PTPN3: variants seen among roughly 807,000 people sequenced by gnomAD.
The protein encoded by PTPN3 is tyrosine-protein phosphatase non-receptor type 3.
In PTPN3, 96 loss-of-function variants were observed where a neutral mutation model predicts 132.7. That is an observed-to-expected ratio of 0.72 (90% confidence interval 0.61 to 0.86). The LOEUF is 0.86. Ranked by LOEUF, PTPN3 falls within the 40% of genes least tolerant of loss-of-function variation. PTPN3 has a pLI of 0.00. For synonymous variants in PTPN3, 398 were observed against 429.0 expected (o/e 0.93, Z 0.89); for missense variants, 1,125 against 1,159.6 (o/e 0.97, Z 0.43).
chr9:109,448,600 T>C (rs999087804), intron 6 of PTPN3, among the ~76,000 whole-genome samples: 7 of 152,092 alleles, frequency 4.6e-5, no homozygotes, highest in Admixed American at 4.6e-4. Flanking sequence ...AAAACTGAAA[T>C]AACATGAAAC....
At position 109,389,278 on chromosome 9, in the gene PTPN3, C is replaced by T; in HGVS notation, c.2208G>A (p.Lys736=). 1.2e-6 allele frequency: 2 copies of T among 1,614,220 alleles called. No homozygotes were observed. Among genetic ancestry groups the T allele is most frequent in the Non-Finnish European group, 1.7e-6 (2 of 1,180,034 alleles). ...AQFWQVVWDQ[K]LSLIVMLTTL... ...TCGTCAACATGACAATGAGTGACAA[C>T]TTCTGATCCCAGACAACCTGCCAAA... Residue 736 remains lysine (K), a synonymous_variant, in exon 22 of 26, where the codon AAG becomes AAA. Coordinates refer to ENST00000374541, the MANE Select transcript of PTPN3 (RefSeq NM_002829.4).
intron 25 of PTPN3, 109 bp downstream of exon 25, chr9:109,381,543 C>A: frequency 1.4e-6 from 2 of 1,460,722 alleles, no homozygotes; most frequent in Non-Finnish European, 1.9e-6. Flanking sequence ...GCAAGTGATT[C>A]AGTCCCCCTG....
rs1838780511 is a variant in PTPN3 at position 109,378,773 on chromosome 9, G to GTCCT, written c.*782_*783insAGGA. 1 of 152,714 alleles carries GTCCT rather than the reference G, an allele frequency of 6.5e-6. No homozygotes were observed. Among genetic ancestry groups the GTCCT allele is most frequent in the South Asian group, 2.1e-4 (1 of 4,830 alleles). The allele number at this position is 152,714 out of a possible 1,614,324, so 9.5% of individuals were successfully genotyped here. ...CGGTGATTCCAGTCCTGGGTGCTGAGTGTGCAGTAGGAGGCAAGCAGAGGC... is the reference window on the plus strand; with the variant it reads ...CGGTGATTCCAGTCCTGGGTGCTGAGTCCTTGTGCAGTAGGAGGCAAGCAGAGGC... On this transcript the variant is annotated 3_prime_UTR_variant, in exon 26 of 26. Transcript: ENST00000374541.
the PTPN3 span, among the ~76,000 whole-genome samples, chr9:109,512,167 A>G: frequency 6.6e-6 from 1 of 152,296 alleles, no homozygotes; most frequent in East Asian, 1.9e-4. Context: ...CAATTGACCA[A>G]TCTTCCACCT....
chr9:109,457,466 G>C, intron 2 of PTPN3, 67 bp from the exon 3 acceptor site: 1 of 1,277,910 alleles, frequency 7.8e-7, no homozygotes, highest in South Asian at 1.3e-5. Flanking sequence ...CATCTTTACT[G>C]TAGGCAAAAA....
rs1404612254 is a variant in PTPN3 at position 109,377,935 on chromosome 9, G to T, written c.*1621C>A. On this transcript the variant is annotated 3_prime_UTR_variant, in exon 26 of 26. Transcript: ENST00000374541. Reference sequence around the variant, plus strand: ...GGTGGTTTCTTGTTTTCAATATGGGGTTATGGTACTGTGTGACATCTCCCT... The same window carrying T: ...GGTGGTTTCTTGTTTTCAATATGGGTTTATGGTACTGTGTGACATCTCCCT... 1.3e-5 allele frequency: 2 copies of T among 152,154 alleles called. No individual in the cohort carries two copies. The highest frequency in any genetic ancestry group is 4.8e-5 in the African/African-American group (2 of 41,454). The allele number at this position is 152,154 out of a possible 1,614,324, so 9.4% of individuals were successfully genotyped here.
intron 24 of PTPN3, 94 bp from the exon 25 acceptor site, chr9:109,381,881 T>C: frequency 6.8e-7 from 1 of 1,476,622 alleles, no homozygotes; most frequent in Non-Finnish European, 9.4e-7. Flanking sequence ...AAAGGGGCTT[T>C]CCTCCCTTGG....
At chr9:109,381,133 T>C (rs1367998774) in intron 25 of PTPN3, among the ~76,000 whole-genome samples, 1 of 152,232 alleles carries the variant, frequency 6.6e-6, no homozygotes, top group East Asian at 1.9e-4. Context: ...ACCTTAATCA[T>C]GCTCTTTCCA....
intron 5 of PTPN3, 89 bp from the exon 6 acceptor site, chr9:109,448,944 A>G: frequency 6.5e-7 from 1 of 1,540,780 alleles, no homozygotes; most frequent in Non-Finnish European, 8.7e-7. Flanking sequence ...CAAAGACAAG[A>G]GCTGTACATG....
At chr9:109,441,759 T>A (rs1454378846) in intron 7 of PTPN3, among the ~76,000 whole-genome samples, 1 of 148,330 alleles carries the variant, frequency 6.7e-6, no homozygotes. Flanking sequence ...TTTTTTTTTT[T>A]AAGAGATGGG....
chr9:109,398,902 A>C (rs767235463), intron 19 of PTPN3, among the ~76,000 whole-genome samples: 2 of 152,212 alleles, frequency 1.3e-5, no homozygotes, highest in South Asian at 2.1e-4. Flanking sequence ...ACAAACAAAA[A>C]CAAGAGCTTC....
In PTPN3 at chr9:109,433,089, T is replaced by G; in HGVS notation, c.748A>C (p.Thr250Pro). Residue 250 changes from threonine to proline, a missense_variant, in exon 10 of 26, where the codon ACA (threonine) becomes CCA (proline). By Grantham distance (38) the Thr-to-Pro change is conservative. Transcript: ENST00000374541. ...TGCACTTACCAAGGATAGAAACTTGTGCAAATGTATTTTCGGTACACAGCA... is the reference window on the plus strand; with the variant it reads ...TGCACTTACCAAGGATAGAAACTTGGGCAAATGTATTTTCGGTACACAGCA... ...GVAVYRKYIC[T>P]SFYPWVNILK... 1 of 1,614,148 alleles carries G rather than the reference T, an allele frequency of 6.2e-7. No individual in the cohort carries two copies. The highest frequency in any genetic ancestry group is 8.5e-7 in the Non-Finnish European group (1 of 1,180,010).
chr9:109,401,755 T>C (rs954297854), intron 19 of PTPN3, among the ~76,000 whole-genome samples: 2 of 152,172 alleles, frequency 1.3e-5, no homozygotes, highest in African/African-American at 2.4e-5. Context: ...GGCCTGTCTC[T>C]TTATGCTACG....
intron 1 of PTPN3, among the ~76,000 whole-genome samples, chr9:109,496,299 T>C (rs1388014583): frequency 1.3e-5 from 2 of 152,248 alleles, no homozygotes; most frequent in Non-Finnish European, 2.9e-5. Context: ...CTGTTGTTAA[T>C]TTTCAACTAG....
chr9:109,429,422 G>A (rs772307444), intron 10 of PTPN3, among the ~76,000 whole-genome samples: 3 of 152,170 alleles, frequency 2.0e-5, no homozygotes, highest in Non-Finnish European at 4.4e-5. Flanking sequence ...CTCAGAGAGC[G>A]GCCTTGTGAG....
At chr9:109,499,986 C>G (rs904553067), upstream of PTPN3, among the ~76,000 whole-genome samples, 25 of 152,224 alleles carry the variant, frequency 1.6e-4, no homozygotes, top group African/African-American at 5.1e-4. Flanking sequence ...GAAGGAGGAG[C>G]CCCCTGGAGG....
At chr9:109,395,110 A>G (rs952784128) in intron 19 of PTPN3, among the ~76,000 whole-genome samples, 58 of 151,514 alleles carry the variant, frequency 3.8e-4, no homozygotes, top group Middle Eastern at 3.2e-3. Flanking sequence ...ACTGCACTCC[A>G]GGCTGGGCAA....
At chr9:109,389,081 G>C (rs965390447) in intron 22 of PTPN3, 152 bp downstream of exon 22, 1 of 968,962 alleles carries the variant, frequency 1.0e-6, no homozygotes, top group Non-Finnish European at 1.4e-6. Flanking sequence ...CCCGTCACTA[G>C]GGGTGTCTAT....
chr9:109,437,855 G>A (rs985239489), intron 8 of PTPN3, among the ~76,000 whole-genome samples: 3 of 152,154 alleles, frequency 2.0e-5, no homozygotes, highest in African/African-American at 4.8e-5. Context: ...TTTCCTTCAG[G>A]AATTTACTGA....
Sources: allele counts gnomAD v4.1 joint callset (sites outside exome capture counted in the v4.1 genomes callset), GRCh38; gene constraint gnomAD v4.1.1; transcripts MANE v1.5; gene names NCBI Gene and HGNC (gene_info 2026-07-23, HGNC 2026-07-21).